POLR2F: variants seen among roughly 807,000 people sequenced by gnomAD.
The protein encoded by POLR2F is DNA-directed RNA polymerases I, II, and III subunit RPABC2.
POLR2F carries 12 observed loss-of-function variants against 22.7 expected under a neutral mutation model. The observed-to-expected ratio is 0.53, with a 90% CI of 0.34 to 0.86. The LOEUF (loss-of-function observed/expected upper bound fraction) is 0.86, where lower values mean the gene tolerates loss of function less well. POLR2F is among the 40% of genes least tolerant of loss of function. POLR2F has a pLI of 0.02. For synonymous variants in POLR2F, 57 were observed against 66.0 expected (o/e 0.86, Z 0.66); for missense variants, 126 against 171.5 (o/e 0.73, Z 1.48).
chr22:37,973,321 T>C (rs545315509), downstream of POLR2F: 1 of 573,824 alleles, frequency 1.7e-6, no homozygotes, highest in African/African-American at 1.9e-5. Flanking sequence ...GGAGCCTGGA[T>C]GGGGCGGGTG....
chr22:38,014,741 C>A (rs2084901576), intron 1 of POLR2F, among the ~76,000 whole-genome samples: 1 of 151,404 alleles, frequency 6.6e-6, no homozygotes, highest in African/African-American at 2.4e-5. Context: ...CCTCGGCCTC[C>A]CAAAGTGCTG....
rs143033266 is a variant in POLR2F, at chr22:37,995,188, A to G, written c.120+8876A>G. Among the ~76,000 whole-genome samples, 366 of 152,332 alleles carry G rather than the reference A, an allele frequency of 2.4e-3. 1 individual carries two copies. Among genetic ancestry groups the G allele is most frequent in the Non-Finnish European group, 3.7e-3 (249 of 68,032 alleles). ...TCTGACGTCTATCAGATTTGCTGTCAGGGGCTTTAGGGCTCTACTGAGACA... is the reference window on the plus strand; with the variant it reads ...TCTGACGTCTATCAGATTTGCTGTCGGGGGCTTTAGGGCTCTACTGAGACA... On this transcript the variant is annotated intron_variant, in intron 1 of 2. Transcript: ENST00000333418.
chr22:37,993,688 C>T (rs551797894), intron 1 of POLR2F, among the ~76,000 whole-genome samples: 4 of 152,096 alleles, frequency 2.6e-5, no homozygotes, highest in Non-Finnish European at 5.9e-5. Context: ...CGATACCTGC[C>T]ATGTCACAAG....
chr22:38,014,361 T>A (rs141868257), intron 1 of POLR2F, among the ~76,000 whole-genome samples: 3,208 of 151,562 alleles, frequency 0.021, 63 homozygotes, highest in African/African-American at 0.053. Context: ...TTTATTTTTT[T>A]TTTTTTGAGA....
intron 3 of POLR2F, 92 bp downstream of exon 3, chr22:37,959,568 A>C: frequency 7.1e-7 from 1 of 1,416,200 alleles, no homozygotes; most frequent in African/African-American, 1.4e-5. Context: ...ACCTGAAAAC[A>C]GACTCTCTGC....
intron 1 of POLR2F, among the ~76,000 whole-genome samples, chr22:38,010,416 C>CAG (rs1048004370): frequency 2.0e-5 from 3 of 149,092 alleles, no homozygotes; most frequent in Non-Finnish European, 3.0e-5. Flanking sequence ...GAGAGAGAGA[C>CAG]AGAGAGAGAG....
chr22:37,983,815 G>A (rs1412902206), upstream of POLR2F: 2 of 1,403,676 alleles, frequency 1.4e-6, no homozygotes, highest in Admixed American at 2.7e-5. This position sits in a 1 kb window ranked among gnomAD's most constrained non-coding sequence, Gnocchi z 9.5. Flanking sequence ...CCGCCGCCTC[G>A]GCCGCCTCCC....
chr22:38,029,561 C>G (rs1386076993), downstream of POLR2F, among the ~76,000 whole-genome samples: 2 of 152,182 alleles, frequency 1.3e-5, no homozygotes, highest in African/African-American at 4.8e-5. Flanking sequence ...GAGGCAGCAC[C>G]TGGGATGGGT....
At chr22:38,041,615 T>A (rs2085173039), downstream of POLR2F, 1 of 153,080 alleles carries the variant, frequency 6.5e-6, no homozygotes, top group African/African-American at 2.4e-5. Flanking sequence ...GAGGTACCAT[T>A]ATCACCCCCA....
At chr22:38,003,394 CTTAGG>C (rs1258455934) in intron 1 of POLR2F, among the ~76,000 whole-genome samples, 1 of 152,028 alleles carries the variant, frequency 6.6e-6, no homozygotes, top group African/African-American at 2.4e-5. Flanking sequence ...ACCTGGCTAA[CTTAGG>C]TATTTTCAGT....
chr22:37,990,179 C>T (rs559113249), intron 1 of POLR2F, among the ~76,000 whole-genome samples: 87 of 152,274 alleles, frequency 5.7e-4, no homozygotes, highest in Admixed American at 5.2e-4. Context: ...GGAGTGGCTT[C>T]CTGGAGGCAG....
At chr22:37,998,741 CA>C (rs1407240437) in intron 1 of POLR2F, among the ~76,000 whole-genome samples, 1 of 152,032 alleles carries the variant, frequency 6.6e-6, no homozygotes, top group Non-Finnish European at 1.5e-5. Flanking sequence ...ACAAGGGGCC[CA>C]TTCTGTGTGT....
chr22:37,979,710 C>T (rs1251591569), intron 4 of POLR2F, among the ~76,000 whole-genome samples: 1 of 152,012 alleles, frequency 6.6e-6, no homozygotes, highest in Non-Finnish European at 1.5e-5. Flanking sequence ...CAGCCTTAGG[C>T]CAGGGTTGGA....
chr22:38,032,339 C>T (rs999670731), intron 5 of POLR2F: 3 of 152,340 alleles, frequency 2.0e-5, no homozygotes, highest in Non-Finnish European at 2.9e-5. Context: ...AGTGTCCTCT[C>T]ACCTTCCACC....
intron 1 of POLR2F, among the ~76,000 whole-genome samples, chr22:37,993,547 G>A (rs1932758582): frequency 6.6e-6 from 1 of 152,212 alleles, no homozygotes; most frequent in African/African-American, 2.4e-5. Context: ...TGGGAGCCGA[G>A]TGATGATGAG....
intron 1 of POLR2F, among the ~76,000 whole-genome samples, chr22:37,994,752 C>T (rs1191721100): frequency 2.6e-5 from 4 of 152,166 alleles, no homozygotes; most frequent in African/African-American, 7.2e-5. Context: ...GTGATCCACC[C>T]GCCTTGGCCT....
At chr22:37,959,992 C>T (rs182881724) in intron 3 of POLR2F, among the ~76,000 whole-genome samples, 8 of 151,752 alleles carry the variant, frequency 5.3e-5, no homozygotes, top group East Asian at 2.0e-4. Context: ...TTAATAGAGA[C>T]GGGGTCTCGC....
upstream of POLR2F, among the ~76,000 whole-genome samples, chr22:37,985,483 C>G (rs781513664): frequency 6.6e-6 from 1 of 152,174 alleles, no homozygotes; most frequent in African/African-American, 2.4e-5. Context: ...CTTTTTCTCT[C>G]TCTTTCCTTG....
intron 4 of POLR2F, among the ~76,000 whole-genome samples, chr22:37,977,626 A>G (rs1932261766): frequency 6.6e-6 from 1 of 151,712 alleles, no homozygotes; most frequent in South Asian, 2.1e-4. Flanking sequence ...GGCGGCCTCC[A>G]CAGTCTTTAA....
Sources: gnomAD v4.1 joint callset for allele counts (sites outside exome capture counted in the v4.1 genomes callset) on GRCh38, gnomAD v4.1.1 for gene constraint, Gnocchi (gnomAD v3.1) non-coding constraint, MANE v1.5 for transcripts, NCBI Gene and HGNC (gene_info 2026-07-23, HGNC 2026-07-21) for gene names.